Variants in ERI1 observed in about 807,000 individuals in gnomAD.
ERI1 encodes 3'-5' exoribonuclease 1.
ERI1 carries 39 observed loss-of-function variants against 39.7 expected under a neutral mutation model. The observed-to-expected ratio is 0.98, with a 90% CI of 0.76 to 1.28. ERI1 has a LOEUF of 1.28. Ranked by LOEUF, ERI1 falls within the 50% of genes most tolerant of loss-of-function variation. The probability of loss-of-function intolerance (pLI) is 0.00; values close to 1 mark genes in which losing one functional copy is unlikely to be tolerated. For synonymous variants in ERI1, 204 were observed against 149.6 expected, an observed-to-expected ratio of 1.36 and a Z score of -2.65; for missense variants, 581 against 416.9, an observed-to-expected ratio of 1.39 and a Z score of -3.43.
At chr8:9,094,270 A>C (rs978456174) in intron 3 of ERI1, among the ~76,000 whole-genome samples, 1 of 152,206 alleles carries the variant, frequency 6.6e-6, no homozygotes, top group African/African-American at 2.4e-5. Context: ...TCTCAGGACA[A>C]ATCCAAGCAA....
intron 4 of ERI1, among the ~76,000 whole-genome samples, chr8:9,016,879 G>C (rs934287915): frequency 6.6e-6 from 1 of 152,028 alleles, no homozygotes; most frequent in African/African-American, 2.4e-5. Context: ...TAGAGACCTG[G>C]TTTCGCCATA....
At chr8:9,004,268 A>C in intron 1 of ERI1, 1 of 1,187,288 alleles carries the variant, frequency 8.4e-7, no homozygotes, top group Non-Finnish European at 1.1e-6. Context: ...CTCCCTCTTC[A>C]GCCTGAGATA....
At chr8:9,066,159 C>T (rs947037253) in intron 3 of ERI1, among the ~76,000 whole-genome samples, 3 of 152,212 alleles carry the variant, frequency 2.0e-5, no homozygotes, top group Non-Finnish European at 4.4e-5. Flanking sequence ...CTTCTTCCTC[C>T]TCCTCTTCCT....
intron 3 of ERI1, among the ~76,000 whole-genome samples, chr8:9,039,740 G>C (rs1797958761): frequency 6.6e-6 from 1 of 151,872 alleles, no homozygotes; most frequent in Non-Finnish European, 1.5e-5. Flanking sequence ...TTTTCCTATA[G>C]AATGTTATCC....
chr8:9,039,977 A>G (rs1455208233), intron 3 of ERI1, among the ~76,000 whole-genome samples: 1 of 152,192 alleles, frequency 6.6e-6, no homozygotes, highest in Non-Finnish European at 1.5e-5. Context: ...AATTATTCCA[A>G]GTACAATTAA....
At chr8:9,020,683 G>T (rs1817788806) in intron 6 of ERI1, among the ~76,000 whole-genome samples, 1 of 152,078 alleles carries the variant, frequency 6.6e-6, no homozygotes. Context: ...ATATATACCT[G>T]ACAAGTTTGA....
intron 3 of ERI1, chr8:9,099,893 A>C (rs1351187963): frequency 6.6e-6 from 1 of 151,634 alleles, no homozygotes; most frequent in Non-Finnish European, 1.5e-5. Flanking sequence ...TCATGTGGCA[A>C]ACTACCAGTT....
At chr8:9,022,748 T>A (rs553906523) in intron 6 of ERI1, among the ~76,000 whole-genome samples, 6 of 152,292 alleles carry the variant, frequency 3.9e-5, no homozygotes, top group East Asian at 1.9e-4. Flanking sequence ...TGAATTTTTT[T>A]AAAAATTGTG....
intron 3 of ERI1, among the ~76,000 whole-genome samples, chr8:9,057,725 G>A (rs986983424): frequency 2.0e-5 from 3 of 152,124 alleles, no homozygotes; most frequent in Non-Finnish European, 4.4e-5. Context: ...ATTGCTTTAG[G>A]AAAATGAGCA....
In ERI1 at chr8:9,062,535, A is replaced by G. The variant is rs182951493; in HGVS notation, n.299+42071A>G. The stretch of plus-strand genomic sequence containing the variant: ...AAGCCTGGCTGTCAATACTTACAAC[A>G]GTTATGGAGGCAAGGGAAACAGGCC... On this transcript the variant is annotated intron_variant and non_coding_transcript_variant, in intron 3 of 3. Coordinates refer to the ERI1 transcript ENST00000518663. 1.4e-3 allele frequency: 206 copies of G among 144,472 alleles called. 1 individual carries two copies. Among genetic ancestry groups the G allele is most frequent in the African/African-American group, 4.1e-3 (166 of 40,964 alleles). The allele number at this position is 144,472 out of a possible 1,614,324, so 8.9% of individuals were successfully genotyped here.
intron 3 of ERI1, among the ~76,000 whole-genome samples, chr8:9,051,386 G>T (rs1044372190): frequency 6.6e-6 from 1 of 152,018 alleles, no homozygotes; most frequent in South Asian, 2.1e-4. Context: ...GCTGGGCGTG[G>T]TGGCTCATGC....
intron 3 of ERI1, among the ~76,000 whole-genome samples, chr8:9,088,164 C>G (rs928229906): frequency 5.3e-5 from 8 of 152,114 alleles, no homozygotes; most frequent in East Asian, 3.9e-4. Context: ...AGGAGGCCTT[C>G]TAACCCCGAA....
intron 3 of ERI1, among the ~76,000 whole-genome samples, chr8:9,068,565 G>T (rs997287530): frequency 5.9e-4 from 90 of 152,116 alleles, no homozygotes; most frequent in Non-Finnish European, 7.4e-5. Flanking sequence ...AATTGCCATA[G>T]GGGTCTTTAT....
chr8:9,050,364 G>A (rs1254150458), intron 3 of ERI1, among the ~76,000 whole-genome samples: 1 of 152,056 alleles, frequency 6.6e-6, no homozygotes, highest in Non-Finnish European at 1.5e-5. Flanking sequence ...AAAATTAGCT[G>A]AGCGTGGTGG....
chr8:9,029,277 G>A (rs1797416499), intron 6 of ERI1, among the ~76,000 whole-genome samples: 1 of 152,046 alleles, frequency 6.6e-6, no homozygotes, highest in Non-Finnish European at 1.5e-5. Context: ...GATGTCTGAG[G>A]ATCCTGTCTG....
chr8:9,034,664 T>C (rs1797783895), downstream of ERI1, among the ~76,000 whole-genome samples: 1 of 152,118 alleles, frequency 6.6e-6, no homozygotes, highest in Non-Finnish European at 1.5e-5. Flanking sequence ...TGAGACACAA[T>C]ATTGAAATTA....
At chr8:9,049,470 G>A (rs954537284) in intron 3 of ERI1, among the ~76,000 whole-genome samples, 2 of 151,592 alleles carry the variant, frequency 1.3e-5, no homozygotes, top group African/African-American at 2.4e-5. Flanking sequence ...AGGGAGTGCG[G>A]GGAGTCCTGC....
In ERI1 at chr8:9,051,878, C is replaced by G. The variant is rs76679278; in HGVS notation, n.299+31414C>G. 1.4e-4 allele frequency among the ~76,000 whole-genome samples: 21 copies of G among 152,314 alleles called. No individual in the cohort carries two copies. The East Asian group carries it at 3.1e-3, about 22-fold the overall frequency. ...GTCATTTGGACTATAATTGCTTAAA[C>G]TTCAGACTGTAGCTGCAGAGTCGTT... On this transcript the variant is annotated intron_variant and non_coding_transcript_variant, in intron 3 of 3. Coordinates refer to the ERI1 transcript ENST00000518663.
chr8:9,029,767 A>T, intron 6 of ERI1, 25 bp from the exon 7 acceptor site: 1 of 1,613,318 alleles, frequency 6.2e-7, no homozygotes, highest in South Asian at 1.1e-5. Flanking sequence ...CCAAAGAATT[A>T]TTTACTAAGC....
Sources: allele counts gnomAD v4.1 joint callset (sites outside exome capture counted in the v4.1 genomes callset), GRCh38; gene constraint gnomAD v4.1.1; transcripts MANE v1.5; gene names NCBI Gene and HGNC (gene_info 2026-07-23, HGNC 2026-07-21).